NUP155: variants seen among roughly 807,000 people sequenced by gnomAD.
The protein encoded by NUP155 is nuclear pore complex protein Nup155.
In NUP155, 71 loss-of-function variants were observed where a neutral mutation model predicts 180.4. That is an observed-to-expected ratio of 0.39 (90% CI 0.33 to 0.48). The LOEUF is 0.48. Among genes scored for constraint, NUP155 ranks in the 20% least tolerant of loss-of-function variants. The pLI is 0.91. For missense variants in NUP155, 1,553 were observed against 1,648.9 expected (o/e 0.94, Z 1.01); for synonymous variants, 582 against 559.5 (o/e 1.04, Z -0.57).
At chr5:37,364,150 G>T in intron 2 of NUP155, 97 bp downstream of exon 2, 1 of 1,165,758 alleles carries the variant, frequency 8.6e-7, no homozygotes, top group South Asian at 1.3e-5. Context: ...ACCCTTAAAT[G>T]AATATATAAC....
rs766978131 is a variant in NUP155 at position 37,299,411 on chromosome 5, A to G, written c.3682+37T>C. The G allele has an allele frequency of 5.0e-6, 8 of 1,612,644 alleles. No homozygotes were observed. In the East Asian group the frequency reaches 8.9e-5, roughly 18 times the overall value. ...TTGCATTCCTCCACCAAGTCACTAC[A>G]TAACGTATGCTAACATACCTATAAC... is the stretch of plus-strand genomic sequence containing the variant. On this transcript the variant is annotated intron_variant, in intron 31 of 34. Transcript: ENST00000231498.
chr5:37,304,310 A>G (rs1013674582), intron 27 of NUP155, among the ~76,000 whole-genome samples: 1 of 151,890 alleles, frequency 6.6e-6, no homozygotes, highest in Non-Finnish European at 1.5e-5. Flanking sequence ...TTTTAAATAA[A>G]CTTTGATAAC....
chr5:37,364,528 G>A, intron 1 of NUP155, 144 bp from the exon 2 acceptor site: 1 of 725,286 alleles, frequency 1.4e-6, no homozygotes, highest in Non-Finnish European at 2.5e-6. Flanking sequence ...ACACAAAGTA[G>A]TCCTGAAATA....
In NUP155 at chr5:37,350,263, A is replaced by T; in HGVS notation, c.726T>A (p.Ala242=). Residue 242 remains alanine (A), a splice_region_variant and synonymous_variant, in exon 7 of 35, where the codon GCT becomes GCA. Transcript: ENST00000231498. The stretch of plus-strand genomic sequence containing the variant: ...ATCTTTGGCTAAACCACCCTGCTTC[A>T]GCCTTAAAGAAAAAAGTAGAAAGAC... ...DGCLYEVAYQ[A]EAGWFSQRCR... 6.2e-7 allele frequency: 1 copy of T among 1,610,566 alleles called. No homozygotes were observed. Among genetic ancestry groups the T allele is most frequent in the Non-Finnish European group, 8.5e-7 (1 of 1,176,964 alleles).
In NUP155 at chr5:37,308,875, C is replaced by CAAA. The variant is rs59572976; in HGVS notation, c.2767+251_2767+253dup. ...AGCCTGGCTGACAGAGCGAGACTCTCAAAAAAAAAAAAAAAAAAAAAAAAA... is the reference window on the plus strand; with the variant it reads ...AGCCTGGCTGACAGAGCGAGACTCTCAAAAAAAAAAAAAAAAAAAAAAAAAAAA... On this transcript the variant is annotated intron_variant, in intron 24 of 34. Transcript: ENST00000231498. 1.5e-3 allele frequency among the ~76,000 whole-genome samples: 102 copies of CAAA among 68,848 alleles called. 8 individuals are homozygous for CAAA. Among genetic ancestry groups the CAAA allele is most frequent in the African/African-American group, 6.3e-3 (97 of 15,284 alleles). 45.2% of individuals were successfully genotyped at this position (68,848 alleles called of 152,430 possible).
At chr5:37,332,313 C>CTTTTTTTTTTTTTT (rs1021002313) in intron 13 of NUP155, among the ~76,000 whole-genome samples, 1 of 87,702 alleles carries the variant, frequency 1.1e-5, no homozygotes, top group African/African-American at 5.6e-5. Context: ...GCCATTACAG[C>CTTTTTTTTTTTTTT]TTTTTTTTTT....
chr5:37,294,844 G>C (rs1396028819), intron 32 of NUP155, among the ~76,000 whole-genome samples: 2 of 152,134 alleles, frequency 1.3e-5, no homozygotes, highest in Admixed American at 6.6e-5. Flanking sequence ...TGGAGGGTGT[G>C]AAGGAATGGG....
At chr5:37,315,020 T>C (rs1743794112) in intron 21 of NUP155, among the ~76,000 whole-genome samples, 1 of 152,038 alleles carries the variant, frequency 6.6e-6, no homozygotes, top group South Asian at 2.1e-4. Flanking sequence ...TCACCTGAGG[T>C]CATGAGTTCA....
At position 37,365,871 on chromosome 5, in the gene NUP155, T is replaced by C. The variant is rs977638135; in HGVS notation, c.158-1487A>G. 4.0e-5 allele frequency among the ~76,000 whole-genome samples: 6 copies of C among 151,316 alleles called. No individual in the cohort carries two copies. In the East Asian group the frequency reaches 1.2e-3, roughly 29 times the overall value. On this transcript the variant is annotated intron_variant, in intron 1 of 34. Transcript: ENST00000231498. ...ATTTAGTGTTTTTCTATCATTTTGC[T>C]AATCTGAAATGGGAAAATATAAAAC...
rs1021002313 is a variant in NUP155, at chr5:37,332,313, C to CTTTTTTTTTTTT, written c.1519-530_1519-519dup. Among the ~76,000 whole-genome samples, 49 of 87,704 alleles carry CTTTTTTTTTTTT rather than the reference C, an allele frequency of 5.6e-4. 5 individuals carry two copies. Among genetic ancestry groups the CTTTTTTTTTTTT allele is most frequent in the African/African-American group, 2.8e-3 (49 of 17,718 alleles). 57.5% of individuals were successfully genotyped at this position (87,704 alleles called of 152,430 possible). A position where few individuals can be genotyped will look rare whatever the true frequency, so the allele number is the denominator to read the frequency against. ...GCAATTGAGGTTTCTGCCATTACAG[C>CTTTTTTTTTTTT]TTTTTTTTTTTTTTTTTTTTTTTTT... On this transcript the variant is annotated intron_variant, in intron 13 of 34. Transcript: ENST00000231498.
intron 24 of NUP155, 84 bp from the exon 25 acceptor site, chr5:37,307,516 A>G: frequency 1.6e-6 from 2 of 1,274,348 alleles, no homozygotes; most frequent in Non-Finnish European, 2.3e-6. Context: ...GAAAATAATG[A>G]TCAAGGTTAT....
At chr5:37,343,500 T>C (rs1417695925) in intron 9 of NUP155, among the ~76,000 whole-genome samples, 1 of 152,138 alleles carries the variant, frequency 6.6e-6, no homozygotes, top group African/African-American at 2.4e-5. Context: ...AGTAACCCTA[T>C]TTTCAAACAA....
chr5:37,302,345 G>A (rs142627751), intron 29 of NUP155, among the ~76,000 whole-genome samples: 9,545 of 152,224 alleles, frequency 0.063, 967 homozygotes, highest in African/African-American at 0.21. Context: ...CAATTCTCCT[G>A]CCTCAGTCTC....
chr5:37,358,046 A>C (rs1746959835), intron 4 of NUP155, 35 bp downstream of exon 4: 1 of 1,453,900 alleles, frequency 6.9e-7, no homozygotes, highest in African/African-American at 1.4e-5. Flanking sequence ...TTACATATAC[A>C]AACATAATCT....
At chr5:37,358,231 T>G in intron 3 of NUP155, 80 bp from the exon 4 acceptor site, 1 of 1,000,832 alleles carries the variant, frequency 1.0e-6, no homozygotes. Context: ...TTAATCCCAG[T>G]ACTTTGGGAG....
At chr5:37,315,490 G>A (rs559005240) in intron 21 of NUP155, among the ~76,000 whole-genome samples, 1 of 149,966 alleles carries the variant, frequency 6.7e-6, no homozygotes, top group Non-Finnish European at 1.5e-5. Context: ...TCTATAAAAA[G>A]GCATATTACT....
chr5:37,315,210 C>A (rs191377754), intron 21 of NUP155, among the ~76,000 whole-genome samples: 1 of 151,986 alleles, frequency 6.6e-6, no homozygotes, highest in Admixed American at 6.6e-5. Context: ...CCAGCCTCGG[C>A]GAAAAAGCGA....
Position 37,353,315 on chromosome 5 carries a change from T to C in NUP155, c.464-486A>G, listed in dbSNP as rs549355804. 1.3e-4 allele frequency among the ~76,000 whole-genome samples: 19 copies of C among 151,518 alleles called. No homozygotes were observed. In the East Asian group the frequency reaches 3.7e-3, roughly 29 times the overall value. ...TACTGAACTTTAAAAAGTAAGAAAG[T>C]TGGCCGGGCACGCCTGTAATCCCAT... On this transcript the variant is annotated intron_variant, in intron 4 of 34. Coordinates refer to ENST00000231498, the MANE Select transcript of NUP155 (RefSeq NM_153485.3).
intron 18 of NUP155, among the ~76,000 whole-genome samples, chr5:37,326,892 T>C (rs1744632300): frequency 6.6e-6 from 1 of 152,156 alleles, no homozygotes. Flanking sequence ...TTGAATTGTG[T>C]GGGTCCACTT....
Sources: gnomAD v4.1 joint callset for allele counts (sites outside exome capture counted in the v4.1 genomes callset) on GRCh38, gnomAD v4.1.1 for gene constraint, MANE v1.5 for transcripts, NCBI Gene and HGNC (gene_info 2026-07-23, HGNC 2026-07-21) for gene names.